The following CNTNAP2 variants were observed in gnomAD, a reference collection of about 807,000 sequenced individuals.
CNTNAP2 encodes contactin associated protein 2, also known as contactin-associated protein-like 2.
In CNTNAP2, 98 loss-of-function variants were observed where a neutral mutation model predicts 155.2. The observed-to-expected ratio is 0.63, with a 90% confidence interval of 0.54 to 0.75. CNTNAP2 has a LOEUF of 0.75. Among genes scored for constraint, CNTNAP2 ranks in the 30% least tolerant of loss-of-function variants. The pLI is 0.00. For missense variants in CNTNAP2, 1,727 were observed against 1,688.1 expected (o/e 1.02, Z -0.40); for synonymous variants, 651 against 631.2 (o/e 1.03, Z -0.47).
At chr7:148,206,953 A>G (rs1795459732) in intron 18 of CNTNAP2, among the ~76,000 whole-genome samples, 1 of 152,062 alleles carries the variant, frequency 6.6e-6, no homozygotes, top group Non-Finnish European at 1.5e-5. Flanking sequence ...GGTAGATCCC[A>G]TCCTTCCCGC....
In CNTNAP2 at chr7:146,486,046, C is replaced by CTTTTTTTTTT. The variant is rs71175651; in HGVS notation, c.98-288198_98-288189dup. 9.4e-5 allele frequency among the ~76,000 whole-genome samples: 4 copies of CTTTTTTTTTT among 42,606 alleles called. 1 individual carries two copies. The highest frequency in any genetic ancestry group is 1.7e-4 in the African/African-American group (2 of 11,900). 28.0% of individuals were successfully genotyped at this position (42,606 alleles called of 152,430 possible). ...AAAAATGTACCCAACCCACAGCAGT[C>CTTTTTTTTTT]TTTTTTTTTTTTTTTTTTTTTTTTT... On this transcript the variant is annotated intron_variant, in intron 1 of 23. Coordinates refer to ENST00000361727, the MANE Select transcript of CNTNAP2 (RefSeq NM_014141.6).
intron 1 of CNTNAP2, among the ~76,000 whole-genome samples, chr7:146,685,096 T>C (rs572093740): frequency 5.1e-4 from 77 of 152,252 alleles, no homozygotes; most frequent in Non-Finnish European, 3.7e-4. Flanking sequence ...ATTTTCAACA[T>C]TGTTCTAAAG....
intron 9 of CNTNAP2, among the ~76,000 whole-genome samples, chr7:147,385,415 G>A (rs1195268292): frequency 6.6e-6 from 1 of 152,168 alleles, no homozygotes; most frequent in Non-Finnish European, 1.5e-5. Flanking sequence ...TTCTGCTCAT[G>A]AGCCTGTAAA....
chr7:146,916,108 G>A (rs1796389367), intron 3 of CNTNAP2, among the ~76,000 whole-genome samples: 1 of 151,962 alleles, frequency 6.6e-6, no homozygotes, highest in African/African-American at 2.4e-5. Context: ...CTGTTTATGT[G>A]GTATATCACA....
At chr7:146,765,374 A>T (rs2129184576) in intron 1 of CNTNAP2, among the ~76,000 whole-genome samples, 2 of 152,338 alleles carry the variant, frequency 1.3e-5, no homozygotes, top group South Asian at 4.1e-4. Flanking sequence ...CTCTTTTGCA[A>T]TGCAGATTTT....
At chr7:146,331,314 A>AG (rs747501717) in intron 1 of CNTNAP2, among the ~76,000 whole-genome samples, 1 of 149,018 alleles carries the variant, frequency 6.7e-6, no homozygotes, top group East Asian at 1.9e-4. Flanking sequence ...AAAAAAAAAA[A>AG]AAATAAAAAT....
intron 1 of CNTNAP2, among the ~76,000 whole-genome samples, chr7:146,666,836 G>C (rs889659871): frequency 1.3e-5 from 2 of 152,108 alleles, no homozygotes; most frequent in Non-Finnish European, 2.9e-5. Flanking sequence ...TTTTAATCAA[G>C]TTGTTTTGCT....
intron 10 of CNTNAP2, among the ~76,000 whole-genome samples, chr7:147,477,861 A>C (rs1284497828): frequency 1.3e-5 from 2 of 152,226 alleles, no homozygotes; most frequent in African/African-American, 4.8e-5. Context: ...GTACTCAATA[A>C]ATATAAGTCG....
chr7:146,574,130 G>A (rs1055626533), intron 1 of CNTNAP2, among the ~76,000 whole-genome samples: 3 of 152,082 alleles, frequency 2.0e-5, no homozygotes, highest in African/African-American at 7.2e-5. Context: ...ATGTCTAAAT[G>A]TCATTCCAAT....
At chr7:146,912,095 GT>G (rs1488262356) in intron 3 of CNTNAP2, among the ~76,000 whole-genome samples, 1 of 150,760 alleles carries the variant, frequency 6.6e-6, no homozygotes, top group African/African-American at 2.4e-5. Flanking sequence ...GAATCACGAT[GT>G]TTTAAAATGT....
chr7:147,042,943 A>G (rs1393442700), intron 3 of CNTNAP2, among the ~76,000 whole-genome samples: 2 of 152,178 alleles, frequency 1.3e-5, no homozygotes, highest in African/African-American at 4.8e-5. Context: ...CAACTTGTCT[A>G]TTATAGGGAC....
At chr7:146,715,807 A>G (rs928285508) in intron 1 of CNTNAP2, among the ~76,000 whole-genome samples, 16 of 152,176 alleles carry the variant, frequency 1.1e-4, no homozygotes, top group Non-Finnish European at 1.3e-4. Context: ...TTGGTGGAAA[A>G]ATATGTGAAC....
At chr7:147,912,005 A>T (rs1800075633) in intron 14 of CNTNAP2, among the ~76,000 whole-genome samples, 1 of 152,190 alleles carries the variant, frequency 6.6e-6, no homozygotes, top group South Asian at 2.1e-4. Flanking sequence ...ATTTTATATT[A>T]AAAGTATTCA....
intron 13 of CNTNAP2, among the ~76,000 whole-genome samples, chr7:147,886,832 C>A (rs1403406283): frequency 1.3e-5 from 2 of 152,166 alleles, no homozygotes; most frequent in African/African-American, 4.8e-5. Flanking sequence ...AATTAACACT[C>A]TCCTACTGAC....
intron 1 of CNTNAP2, among the ~76,000 whole-genome samples, chr7:146,359,601 A>T (rs948075612): frequency 6.6e-6 from 1 of 152,306 alleles, no homozygotes; most frequent in East Asian, 1.9e-4. Context: ...TTTATGGTAG[A>T]GTTGTAGGAA....
chr7:148,348,361 G>T (rs1308794717), intron 21 of CNTNAP2, among the ~76,000 whole-genome samples: 2 of 152,156 alleles, frequency 1.3e-5, no homozygotes, highest in Non-Finnish European at 2.9e-5. Context: ...ATAGTTTCCT[G>T]CATTATTAGT....
intron 1 of CNTNAP2, among the ~76,000 whole-genome samples, chr7:146,512,323 C>T (rs1797479381): frequency 6.6e-6 from 1 of 151,830 alleles, no homozygotes; most frequent in African/African-American, 2.4e-5. Flanking sequence ...TTGCCTCATA[C>T]TAATTTTGGG....
intron 14 of CNTNAP2, among the ~76,000 whole-genome samples, chr7:147,936,948 C>T (rs1800620848): frequency 6.6e-6 from 1 of 151,998 alleles, no homozygotes; most frequent in Admixed American, 6.6e-5. Context: ...AATGTTGCAC[C>T]CCATTGCTGC....
intron 2 of CNTNAP2, among the ~76,000 whole-genome samples, chr7:146,780,298 C>G (rs920695453): frequency 6.6e-6 from 1 of 152,040 alleles, no homozygotes; most frequent in African/African-American, 2.4e-5. Flanking sequence ...CCATTCTCCC[C>G]CTTCAGCCTC....
Sources: gnomAD v4.1 joint callset for allele counts (sites outside exome capture counted in the v4.1 genomes callset) on GRCh38, gnomAD v4.1.1 for gene constraint, MANE v1.5 for transcripts, NCBI Gene and HGNC (gene_info 2026-07-23, HGNC 2026-07-21) for gene names.